TSPAN33: variants seen among roughly 807,000 people sequenced by gnomAD.
TSPAN33 encodes the protein tetraspanin-33.
In TSPAN33, 27 loss-of-function variants were observed where a neutral mutation model predicts 34.8. The ratio of observed to expected loss-of-function variants is 0.78; its 90% confidence interval spans 0.57 to 1.07. TSPAN33 has a LOEUF of 1.07. TSPAN33 is among the 50% of genes least tolerant of loss of function. The pLI, the probability that TSPAN33 is intolerant of heterozygous loss-of-function variation, is 0.00. For synonymous variants in TSPAN33, 119 were observed against 124.2 expected (o/e 0.96, Z 0.28); for missense variants, 272 against 324.9 (o/e 0.84, Z 1.25).
chr7:129,151,846 A>G (rs528190718), intron 1 of TSPAN33, among the ~76,000 whole-genome samples: 37 of 152,304 alleles, frequency 2.4e-4, no homozygotes, highest in African/African-American at 8.7e-4. Flanking sequence ...ACGCAGAGAC[A>G]TACACCTAGC....
In TSPAN33 at chr7:129,167,763, C is replaced by T. The variant is rs1243573173; in HGVS notation, c.751-10C>T. 3.1e-6 allele frequency: 5 copies of T among 1,613,558 alleles called. No individual in the cohort carries two copies. The South Asian group carries it at 5.5e-5, about 18-fold the overall frequency. Reference sequence around the variant, plus strand: ...CTGCTGAGTGCCCAATTCCTTCTTGCCTCTCCCAGCTGGTGGGAATTCTGC... The same window carrying T: ...CTGCTGAGTGCCCAATTCCTTCTTGTCTCTCCCAGCTGGTGGGAATTCTGC... On this transcript the variant is annotated splice_polypyrimidine_tract_variant and intron_variant, in intron 7 of 7. Transcript: ENST00000486685. The surrounding 1 kb of genome is among the most constrained non-coding windows in gnomAD (Gnocchi z 4.6).
At chr7:129,150,271 T>G (rs555052669) in intron 1 of TSPAN33, among the ~76,000 whole-genome samples, 102 of 152,304 alleles carry the variant, frequency 6.7e-4, no homozygotes, top group African/African-American at 2.4e-3. Flanking sequence ...GGCAACGCCA[T>G]GCCTTCCCTT....
chr7:129,167,749 C>T lies in TSPAN33; in HGVS notation c.751-24C>T. 7.4e-6 allele frequency: 12 copies of T among 1,611,766 alleles called. No homozygotes were observed. The highest frequency in any genetic ancestry group is 1.0e-5 in the Non-Finnish European group (12 of 1,178,070). On this transcript the variant is annotated intron_variant, in intron 7 of 7. Coordinates refer to ENST00000486685, the MANE Select transcript of TSPAN33 (RefSeq NM_178562.5). The surrounding 1 kb of genome is among the most constrained non-coding windows in gnomAD (Gnocchi z 4.6). ...AAGGCCATCACTCACTGCTGAGTGC[C>T]CAATTCCTTCTTGCCTCTCCCAGCT...
At chr7:129,159,139 C>T (rs1331266458) in intron 1 of TSPAN33, among the ~76,000 whole-genome samples, 2 of 151,896 alleles carry the variant, frequency 1.3e-5, no homozygotes, top group Non-Finnish European at 2.9e-5. Flanking sequence ...CGGCTCACTG[C>T]AACCTCCGCC....
chr7:129,163,965 A>G (rs536011421), intron 4 of TSPAN33, among the ~76,000 whole-genome samples: 20 of 152,056 alleles, frequency 1.3e-4, no homozygotes, highest in African/African-American at 4.1e-4. Context: ...GGGAGAGGGG[A>G]GGGGAGGGGA....
In TSPAN33 at chr7:129,167,289, T is replaced by C; in HGVS notation, c.589-110T>C. 1 of 1,324,558 alleles carries C rather than the reference T, an allele frequency of 7.5e-7. No individual in the cohort carries two copies. The highest frequency in any genetic ancestry group is 1.0e-6 in the Non-Finnish European group (1 of 955,636). The allele number at this position is 1,324,558 out of a possible 1,614,324, so 82.1% of individuals were successfully genotyped here. On this transcript the variant is annotated intron_variant, in intron 6 of 7. Transcript: ENST00000486685. This position sits in a 1 kb window ranked among gnomAD's most constrained non-coding sequence, Gnocchi z 4.6. ...TCCAACCCAATATCCTCCACATATA[T>C]TCTCTGACAATTTAGGAGTTTGGGA...
chr7:129,158,409 C>A (rs941223046), intron 1 of TSPAN33, among the ~76,000 whole-genome samples: 1 of 152,070 alleles, frequency 6.6e-6, no homozygotes, highest in African/African-American at 2.4e-5. Context: ...TTTACTTTGC[C>A]CATTTTTTCA....
rs1476632356 is a variant in TSPAN33 at position 129,169,126 on chromosome 7, T to G, written c.*1252T>G. On this transcript the variant is annotated 3_prime_UTR_variant, in exon 8 of 8. Coordinates refer to ENST00000486685, the MANE Select transcript of TSPAN33 (RefSeq NM_178562.5). ...TTTGTCACCCAAAACAGGAGGGGGA[T>G]GGGGAGGAGGGACATGAGCACTCCG... 6.6e-6 allele frequency among the ~76,000 whole-genome samples: 1 copy of G among 152,006 alleles called. No homozygotes were observed. Among genetic ancestry groups the G allele is most frequent in the Non-Finnish European group, 1.5e-5 (1 of 67,988 alleles).
chr7:129,164,477 C>T lies in TSPAN33; in HGVS notation c.367C>T (p.Arg123Ter), dbSNP rs774045188. 6.2e-7 allele frequency: 1 copy of T among 1,613,836 alleles called. No homozygotes were observed. Among genetic ancestry groups the T allele is most frequent in the Non-Finnish European group, 8.5e-7 (1 of 1,179,922 alleles). Residue 123 changes from arginine to a stop codon, truncating the protein, a stop_gained, in exon 5 of 8, where the codon CGA (arginine) becomes TGA (stop). Coordinates refer to ENST00000486685, the MANE Select transcript of TSPAN33 (RefSeq NM_178562.5). LOFTEE classifies it high-confidence loss of function. ...ILGFVFSDKA[R>*]GKVSEIINNA... is the part of the protein sequence containing the mutation. ...TCCTTGCCCATGTCTCCGGCAGGCT[C>T]GAGGGAAAGTGAGTGAGATCATCAA... is the stretch of plus-strand genomic sequence containing the variant.
At position 129,166,081 on chromosome 7, in the gene TSPAN33, G is replaced by C. The variant is rs371867922; in HGVS notation, c.460-697G>C. Among the ~76,000 whole-genome samples, 188 of 152,160 alleles carry C rather than the reference G, an allele frequency of 1.2e-3. 4 individuals carry two copies. The South Asian group carries it at 0.037, about 30-fold the overall frequency. ...GCCTCCTGAGTAGCTGGGATTACAGGTGCCTGCCAAACCACGCCCAGCTAA... is the reference window on the plus strand; with the variant it reads ...GCCTCCTGAGTAGCTGGGATTACAGCTGCCTGCCAAACCACGCCCAGCTAA... On this transcript the variant is annotated intron_variant, in intron 5 of 7. Transcript: ENST00000486685.
In TSPAN33 at chr7:129,169,240, G is replaced by A. The variant is rs1289522968; in HGVS notation, c.*1366G>A. 6.6e-6 allele frequency among the ~76,000 whole-genome samples: 1 copy of A among 152,206 alleles called. No individual in the cohort carries two copies. The highest frequency in any genetic ancestry group is 1.5e-5 in the Non-Finnish European group (1 of 68,036). On this transcript the variant is annotated 3_prime_UTR_variant, in exon 8 of 8. Coordinates refer to ENST00000486685, the MANE Select transcript of TSPAN33 (RefSeq NM_178562.5). The stretch of plus-strand genomic sequence containing the variant: ...GACCTTCTCCCTGAGTCGGCTGTAG[G>A]GAGGACTCCGAGGAAGCTCGGCGCG...
At chr7:129,150,406 G>T (rs569147966) in intron 1 of TSPAN33, among the ~76,000 whole-genome samples, 10 of 152,164 alleles carry the variant, frequency 6.6e-5, no homozygotes, top group Non-Finnish European at 1.3e-4. Context: ...GAGATTATCA[G>T]CTGCTCCCCC....
At chr7:129,161,943 GC>G (rs1291829106) in intron 2 of TSPAN33, among the ~76,000 whole-genome samples, 1 of 152,214 alleles carries the variant, frequency 6.6e-6, no homozygotes, top group Non-Finnish European at 1.5e-5. Context: ...TCCAGGATAT[GC>G]CTACATTTGA....
chr7:129,149,701 A>T (rs1689352067), intron 1 of TSPAN33, among the ~76,000 whole-genome samples: 1 of 152,236 alleles, frequency 6.6e-6, no homozygotes, highest in African/African-American at 2.4e-5. Context: ...ACCTTGGAAG[A>T]ACAAAGCCAG....
At chr7:129,147,302 CTCAGTGAACTAT>C (rs1167123702) in intron 1 of TSPAN33, among the ~76,000 whole-genome samples, 1 of 152,176 alleles carries the variant, frequency 6.6e-6, no homozygotes, top group Non-Finnish European at 1.5e-5. Flanking sequence ...CAATTTCTGC[CTCAGTGAACTAT>C]TTAAGGATGA....
intron 1 of TSPAN33, among the ~76,000 whole-genome samples, chr7:129,157,345 A>G (rs954268150): frequency 6.6e-6 from 1 of 152,044 alleles, no homozygotes; most frequent in East Asian, 1.9e-4. Context: ...GAATGGCAGT[A>G]GCTTTGAGGA....
chr7:129,160,029 C>A (rs1032435946), intron 1 of TSPAN33, among the ~76,000 whole-genome samples: 1 of 152,120 alleles, frequency 6.6e-6, no homozygotes, highest in Non-Finnish European at 1.5e-5. Flanking sequence ...AGCAATAGCA[C>A]AAGACCCTCC....
chr7:129,162,775 T>C (rs1750996525), intron 3 of TSPAN33, 58 bp from the exon 4 acceptor site: 3 of 1,578,704 alleles, frequency 1.9e-6, no homozygotes, highest in African/African-American at 2.7e-5. Context: ...CCCTTGGCCC[T>C]GGAAGGGGTT....
chr7:129,163,579 A>G (rs1001916118), intron 4 of TSPAN33, among the ~76,000 whole-genome samples: 1 of 152,208 alleles, frequency 6.6e-6, no homozygotes, highest in African/African-American at 2.4e-5. Context: ...GTCTTTCCCA[A>G]AAGGCAAATG....
Sources: gnomAD v4.1 joint callset for allele counts (sites outside exome capture counted in the v4.1 genomes callset) on GRCh38, gnomAD v4.1.1 for gene constraint, Gnocchi (gnomAD v3.1) non-coding constraint, MANE v1.5 for transcripts, NCBI Gene and HGNC (gene_info 2026-07-23, HGNC 2026-07-21) for gene names.